The following CCDC149 variants were observed in gnomAD, a reference collection of about 807,000 sequenced individuals.
CCDC149 encodes coiled-coil domain containing 149.
Under a neutral mutation model 59.9 loss-of-function variants are expected in CCDC149, and 45 were observed. The ratio of observed to expected loss-of-function variants is 0.75; its 90% CI spans 0.59 to 0.96. The LOEUF (loss-of-function observed/expected upper bound fraction) is 0.96. Ranked by LOEUF, CCDC149 falls within the 40% of genes least tolerant of loss-of-function variation. CCDC149 has a pLI of 0.00. For synonymous variants in CCDC149, 245 were observed against 260.6 expected (o/e 0.94, Z 0.58); for missense variants, 584 against 664.7 (o/e 0.88, Z 1.33).
chr4:24,937,939 T>C (rs1722830708), intron 1 of CCDC149, among the ~76,000 whole-genome samples: 1 of 152,138 alleles, frequency 6.6e-6, no homozygotes, highest in Non-Finnish European at 1.5e-5. Flanking sequence ...GATGATATGT[T>C]GGTGGTGGGC....
At chr4:24,903,177 A>G (rs1721279931) in intron 1 of CCDC149, among the ~76,000 whole-genome samples, 1 of 151,918 alleles carries the variant, frequency 6.6e-6, no homozygotes, top group African/African-American at 2.4e-5. Context: ...CTTTACGTCT[A>G]AGAAAGGCAT....
chr4:24,841,104 CA>C (rs1202139040), intron 4 of CCDC149, among the ~76,000 whole-genome samples: 1 of 152,150 alleles, frequency 6.6e-6, no homozygotes, highest in East Asian at 1.9e-4. Context: ...CACAGGAAGG[CA>C]AACGACAAGC....
At chr4:24,916,823 T>C (rs1476849419), upstream of CCDC149, among the ~76,000 whole-genome samples, 54 of 150,658 alleles carry the variant, frequency 3.6e-4, no homozygotes, top group African/African-American at 1.3e-3. Flanking sequence ...TGTGTGTGTG[T>C]GTACATATAT....
At chr4:24,971,181 T>A (rs28826631) in intron 1 of CCDC149, among the ~76,000 whole-genome samples, 4,208 of 151,996 alleles carry the variant, frequency 0.028, 170 homozygotes, top group African/African-American at 0.095. Context: ...CCCTACAGAG[T>A]TGGTGGGCAT....
intron 4 of CCDC149, among the ~76,000 whole-genome samples, chr4:24,839,329 A>G (rs1314917384): frequency 1.3e-5 from 2 of 151,618 alleles, no homozygotes; most frequent in East Asian, 3.9e-4. Context: ...ACAGGCGCCC[A>G]CCACCATGCC....
chr4:24,876,406 T>C (rs1205099453), intron 2 of CCDC149, 130 bp downstream of exon 2: 2 of 976,344 alleles, frequency 2.0e-6, no homozygotes, highest in Admixed American at 2.8e-5. Flanking sequence ...GGTGGTGACT[T>C]TTACTTCTAA....
At chr4:24,945,085 G>A (rs2109351040) in intron 1 of CCDC149, among the ~76,000 whole-genome samples, 1 of 152,290 alleles carries the variant, frequency 6.6e-6, no homozygotes, top group East Asian at 1.9e-4. Context: ...ATCCCCGAAT[G>A]GGCTTATTGA....
chr4:24,820,177 C>A (rs1560201015), intron 11 of CCDC149: 3 of 509,790 alleles, frequency 5.9e-6, no homozygotes, highest in East Asian at 6.5e-5. Flanking sequence ...CACACACACA[C>A]AAAATCCTTA....
chr4:24,941,279 C>T (rs1437230862), intron 1 of CCDC149, among the ~76,000 whole-genome samples: 1 of 152,192 alleles, frequency 6.6e-6, no homozygotes, highest in Non-Finnish European at 1.5e-5. Context: ...AACTGAACAA[C>T]CTGCTCCTGA....
chr4:24,947,097 T>A (rs751501116), intron 1 of CCDC149, among the ~76,000 whole-genome samples: 35 of 152,218 alleles, frequency 2.3e-4, no homozygotes, highest in Non-Finnish European at 8.8e-5. Flanking sequence ...CCCCCTTTAT[T>A]AATTTACTAA....
intron 1 of CCDC149, among the ~76,000 whole-genome samples, chr4:24,970,859 G>C (rs1328384391): frequency 6.6e-6 from 1 of 152,072 alleles, no homozygotes; most frequent in Non-Finnish European, 1.5e-5. Flanking sequence ...CTACCCCTTG[G>C]CAATGACTAT....
At chr4:24,942,570 T>C (rs1476671633) in intron 1 of CCDC149, among the ~76,000 whole-genome samples, 2 of 152,128 alleles carry the variant, frequency 1.3e-5, no homozygotes, top group Non-Finnish European at 2.9e-5. Flanking sequence ...GAAAAGGAAA[T>C]AAAGGGCATT....
chr4:24,813,933 T>C (rs760444320), intron 12 of CCDC149, among the ~76,000 whole-genome samples: 3 of 152,174 alleles, frequency 2.0e-5, no homozygotes, highest in Non-Finnish European at 4.4e-5. Context: ...CAAACATCAG[T>C]ATCAACAGGG....
At chr4:24,864,629 T>C (rs997085612) in intron 3 of CCDC149, among the ~76,000 whole-genome samples, 3 of 152,234 alleles carry the variant, frequency 2.0e-5, no homozygotes, top group African/African-American at 7.2e-5. Flanking sequence ...CAGCTGGCCC[T>C]GCGTGAATTA....
chr4:24,950,629 A>G (rs1723256713), intron 1 of CCDC149, among the ~76,000 whole-genome samples: 1 of 152,212 alleles, frequency 6.6e-6, no homozygotes, highest in Non-Finnish European at 1.5e-5. Flanking sequence ...ACCTTCTCCA[A>G]TCCTCAGTGT....
Position 24,876,644 on chromosome 4 carries a change from G to T in CCDC149, c.117C>A (p.Leu39=). The change falls in exon 2 of 13, where the codon CTC becomes CTA. Residue 39 remains leucine (L), a synonymous_variant. Transcript: ENST00000635206. ...GTTGACAGGTGTCCAGCTCCTTGGA[G>T]AGGATCAGCAGGGCTTCCTTCTTAC... The T allele has an allele frequency of 2.5e-6, 4 of 1,614,126 alleles. No homozygotes were observed. Among genetic ancestry groups the T allele is most frequent in the Non-Finnish European group, 3.4e-6 (4 of 1,180,010 alleles).
chr4:24,806,550 C>A lies in CCDC149; in HGVS notation c.*1839G>T, dbSNP rs1195909689. On this transcript the variant is annotated 3_prime_UTR_variant, in exon 13 of 13. Coordinates refer to ENST00000635206, the MANE Select transcript of CCDC149 (RefSeq NM_001330643.2). ...TTGGCTGTGTTTTCCTTCGGTGGCT[C>A]TGGCATCCTATGCAGTAGTGCTGGA... 1 of 152,284 alleles carries A rather than the reference C, an allele frequency of 6.6e-6. No homozygotes were observed. The highest frequency in any genetic ancestry group is 1.5e-5 in the Non-Finnish European group (1 of 68,094). 9.4% of individuals were successfully genotyped at this position (152,284 alleles called of 1,614,324 possible). A position where few individuals can be genotyped will look rare whatever the true frequency, so the allele number is the denominator to read the frequency against.
At chr4:24,886,967 A>G (rs1165589719) in intron 1 of CCDC149, among the ~76,000 whole-genome samples, 1 of 152,116 alleles carries the variant, frequency 6.6e-6, no homozygotes, top group Non-Finnish European at 1.5e-5. Context: ...TCTCAAAAAT[A>G]TATTTCTCTG....
chr4:24,827,694 A>C (rs1715853661), intron 9 of CCDC149: 1 of 152,200 alleles, frequency 6.6e-6, no homozygotes, highest in African/African-American at 2.4e-5. Flanking sequence ...TTGCCTATTA[A>C]TTGAATGTTG....
Sources: allele counts gnomAD v4.1 joint callset (sites outside exome capture counted in the v4.1 genomes callset), GRCh38; gene constraint gnomAD v4.1.1; transcripts MANE v1.5; gene names NCBI Gene and HGNC (gene_info 2026-07-23, HGNC 2026-07-21).